The following RANGAP1 variants were observed in gnomAD, a reference collection of about 807,000 sequenced individuals.
RANGAP1 encodes the protein ran GTPase-activating protein 1.
RANGAP1 carries 38 observed loss-of-function variants against 63.5 expected under a neutral mutation model. The ratio of observed to expected loss-of-function variants is 0.60; its 90% CI spans 0.46 to 0.78. The LOEUF (loss-of-function observed/expected upper bound fraction) is 0.78. RANGAP1 is among the 30% of genes least tolerant of loss of function. RANGAP1 has a pLI of 0.00. For missense variants in RANGAP1, 630 were observed against 740.3 expected (o/e 0.85, Z 1.73); for synonymous variants, 329 against 310.5 (o/e 1.06, Z -0.63).
chr22:41,258,185 G>A, intron 6 of RANGAP1, 79 bp from the exon 7 acceptor site: 7 of 1,476,846 alleles, frequency 4.7e-6, no homozygotes, highest in Non-Finnish European at 6.4e-6. Context: ...ATTCCACACA[G>A]CAGGCACAGG....
the RANGAP1 span, among the ~76,000 whole-genome samples, chr22:41,299,335 T>C: frequency 0.056 from 8,491 of 152,038 alleles, 774 homozygotes; most frequent in African/African-American, 0.19. Context: ...GGTTTCACCG[T>C]GTTAGCTGGG....
intron 3 of RANGAP1, 122 bp downstream of exon 3, chr22:41,274,478 C>A (rs2035023168): frequency 1.1e-5 from 16 of 1,432,560 alleles, no homozygotes; most frequent in Non-Finnish European, 1.5e-5. Context: ...GGAAGAGGAG[C>A]TGCTTGGGGT....
At chr22:41,283,907 G>A in intron 1 of RANGAP1, among the ~76,000 whole-genome samples, 1 of 152,164 alleles carries the variant, frequency 6.6e-6, no homozygotes, top group East Asian at 1.9e-4. Context: ...ATAGAGCCTG[G>A]CATTTAGAAG....
chr22:41,271,386 T>TAAAAAAAAAA (rs35627809), intron 3 of RANGAP1, among the ~76,000 whole-genome samples: 1 of 91,980 alleles, frequency 1.1e-5, no homozygotes, highest in Non-Finnish European at 2.1e-5. Flanking sequence ...AAACTGTCTC[T>TAAAAAAAAAA]AAAAAAAAAC....
the RANGAP1 span, among the ~76,000 whole-genome samples, chr22:41,294,198 T>C: frequency 5.3e-5 from 8 of 152,326 alleles, no homozygotes; most frequent in African/African-American, 1.4e-4. Context: ...ATTGAAGGCG[T>C]GCGCCGCCAC....
At chr22:41,263,138 T>C (rs2034268846) in intron 5 of RANGAP1, among the ~76,000 whole-genome samples, 1 of 151,960 alleles carries the variant, frequency 6.6e-6, no homozygotes, top group African/African-American at 2.4e-5. Context: ...GGTCCAAAAC[T>C]CATTCCCCAA....
chr22:41,279,591 G>A (rs1452312247), intron 2 of RANGAP1, among the ~76,000 whole-genome samples: 3 of 151,680 alleles, frequency 2.0e-5, no homozygotes, highest in Non-Finnish European at 4.4e-5. Context: ...AAAGTGAGCT[G>A]AGATTGCACC....
In RANGAP1 at chr22:41,245,245, TG is replaced by T. The variant is rs1447646068; in HGVS notation, c.*1357del. 1.3e-5 allele frequency among the ~76,000 whole-genome samples: 2 copies of T among 152,184 alleles called. No homozygotes were observed. The highest frequency in any genetic ancestry group is 2.9e-5 in the Non-Finnish European group (2 of 68,030). On this transcript the variant is annotated 3_prime_UTR_variant, in exon 16 of 16. Coordinates refer to ENST00000356244, the MANE Select transcript of RANGAP1 (RefSeq NM_002883.4). ...TCTTGGAGGCCGTTTGTGGGGGACA[TG>T]GGCTCCCAAAGCACATACATGGTGT...
chr22:41,265,689 C>T (rs2034427229), intron 4 of RANGAP1, among the ~76,000 whole-genome samples: 1 of 152,158 alleles, frequency 6.6e-6, no homozygotes, highest in Non-Finnish European at 1.5e-5. Context: ...GAGCTACATT[C>T]CCTCACCCCA....
rs772633465 is a variant in RANGAP1 at position 41,254,398 on chromosome 22, CTCT to C, written c.1167_1169del (p.Glu397del). ...GAGGCTCTTCTTCCTCCTCCTCCTC[CTCT>C]TCTTCCTCCTCTTCCTCATCTTCCT... On this transcript the variant is annotated inframe_deletion, in exon 11 of 16. Transcript: ENST00000356244. 1.1e-5 allele frequency: 17 copies of C among 1,607,768 alleles called. No individual in the cohort carries two copies. Among genetic ancestry groups the C allele is most frequent in the Admixed American group, 6.7e-5 (4 of 59,738 alleles).
the RANGAP1 span, among the ~76,000 whole-genome samples, chr22:41,297,723 C>T: frequency 2.1e-5 from 3 of 139,736 alleles, no homozygotes; most frequent in African/African-American, 8.1e-5. Context: ...CCGAGTCTTG[C>T]TCTATCGCCC....
chr22:41,289,480 G>A (rs1193559430), upstream of RANGAP1, among the ~76,000 whole-genome samples: 2 of 151,942 alleles, frequency 1.3e-5, no homozygotes, highest in African/African-American at 4.8e-5. Context: ...AAAATTAGCT[G>A]GGCATGGTGG....
chr22:41,250,659 C>T (rs1459455423), intron 13 of RANGAP1, among the ~76,000 whole-genome samples: 1 of 152,178 alleles, frequency 6.6e-6, no homozygotes, highest in African/African-American at 2.4e-5. Flanking sequence ...ACAGAAGCTC[C>T]AAGGTGTGGA....
chr22:41,293,275 G>A, the RANGAP1 span, among the ~76,000 whole-genome samples: 1 of 150,464 alleles, frequency 6.6e-6, no homozygotes, highest in Non-Finnish European at 1.5e-5. Context: ...TAACCAGCAC[G>A]GTGATGCACA....
At chr22:41,254,225 C>A in intron 11 of RANGAP1, 83 bp downstream of exon 11, 2 of 1,511,854 alleles carry the variant, frequency 1.3e-6, no homozygotes, top group South Asian at 1.2e-5. Flanking sequence ...TAAGGAGACA[C>A]CCCCTACCCC....
At chr22:41,268,602 G>A (rs546694506) in intron 3 of RANGAP1, among the ~76,000 whole-genome samples, 2 of 152,102 alleles carry the variant, frequency 1.3e-5, no homozygotes, top group Admixed American at 6.5e-5. Context: ...GACCCATTCT[G>A]GCTGTAGTTG....
chr22:41,260,855 A>C (rs959689436), intron 6 of RANGAP1, among the ~76,000 whole-genome samples: 1 of 152,122 alleles, frequency 6.6e-6, no homozygotes, highest in African/African-American at 2.4e-5. Flanking sequence ...AAAAAACAGG[A>C]AAGAGAGGAG....
At chr22:41,293,751 A>C in the RANGAP1 span, among the ~76,000 whole-genome samples, 1 of 138,188 alleles carries the variant, frequency 7.2e-6, no homozygotes, top group Non-Finnish European at 1.5e-5. Context: ...TGCACTCCAG[A>C]CTCTGTCTCA....
the RANGAP1 span, among the ~76,000 whole-genome samples, chr22:41,297,742 G>A: frequency 9.5e-5 from 14 of 147,850 alleles, no homozygotes; most frequent in East Asian, 1.8e-3. Context: ...CCAAGCTGGA[G>A]TGCAGTTGTG....
Sources: allele counts gnomAD v4.1 joint callset (sites outside exome capture counted in the v4.1 genomes callset), GRCh38; gene constraint gnomAD v4.1.1; transcripts MANE v1.5; gene names NCBI Gene and HGNC (gene_info 2026-07-23, HGNC 2026-07-21).